The following PRKCE variants were observed in gnomAD, a reference collection of about 807,000 sequenced individuals.
PRKCE encodes the protein protein kinase C epsilon, also known as protein kinase C epsilon type.
A neutral mutation model predicts 85.4 loss-of-function variants in PRKCE; 16 were observed. That is an observed-to-expected ratio of 0.19 (90% CI 0.13 to 0.28). The LOEUF is 0.28. Among genes scored for constraint, PRKCE ranks in the 10% least tolerant of loss-of-function variants. The probability of loss-of-function intolerance (pLI) is 1.00; values close to 1 mark genes in which losing one functional copy is unlikely to be tolerated. For missense variants in PRKCE, 573 were observed against 975.2 expected, an observed-to-expected ratio of 0.59 and a Z score of 5.49; for synonymous variants, 388 against 371.5, an observed-to-expected ratio of 1.04 and a Z score of -0.51.
chr2:46,044,961 T>G (rs905829838), intron 10 of PRKCE, among the ~76,000 whole-genome samples: 4 of 152,250 alleles, frequency 2.6e-5, no homozygotes, highest in Non-Finnish European at 4.4e-5. Flanking sequence ...TCGTTATGTA[T>G]AGTATATGTT....
chr2:45,806,975 G>A (rs1688292633), intron 1 of PRKCE, among the ~76,000 whole-genome samples: 1 of 152,184 alleles, frequency 6.6e-6, no homozygotes, highest in Non-Finnish European at 1.5e-5. Flanking sequence ...TAGACCTCAG[G>A]AGGCTGATGA....
intron 1 of PRKCE, among the ~76,000 whole-genome samples, chr2:45,726,522 C>T (rs1033011047): frequency 6.6e-6 from 1 of 152,132 alleles, no homozygotes; most frequent in Non-Finnish European, 1.5e-5. Context: ...CAATAAAGCA[C>T]TTTTCAATTA....
intron 1 of PRKCE, among the ~76,000 whole-genome samples, chr2:45,796,200 G>A (rs545915171): frequency 4.6e-5 from 7 of 152,122 alleles, no homozygotes; most frequent in Non-Finnish European, 1.0e-4. Context: ...CTTATTCTAG[G>A]CTGACAAAAT....
rs74808449 is a variant in PRKCE at position 45,938,540 on chromosome 2, A to G, written c.413-37889A>G. On this transcript the variant is annotated intron_variant, in intron 2 of 14. Transcript: ENST00000306156. ...TGTCCCTTTCAACATTTCAGCGCCC[A>G]CCCCTCAAACCCCCATCAAGCCTTG... 3.3e-3 allele frequency among the ~76,000 whole-genome samples: 506 copies of G among 151,852 alleles called. 4 individuals are homozygous for G. Among genetic ancestry groups the G allele is most frequent in the African/African-American group, 0.011 (473 of 41,370 alleles).
chr2:46,175,533 C>G (rs527366361), intron 14 of PRKCE, among the ~76,000 whole-genome samples: 11 of 152,266 alleles, frequency 7.2e-5, no homozygotes, highest in African/African-American at 2.6e-4. Context: ...TACTAATGTC[C>G]CCATTTTATG....
intron 2 of PRKCE, among the ~76,000 whole-genome samples, chr2:45,843,352 C>G (rs969231584): frequency 6.6e-6 from 1 of 152,192 alleles, no homozygotes; most frequent in Non-Finnish European, 1.5e-5. Flanking sequence ...AGGGCAGCCT[C>G]TCCCAGGAGG....
chr2:45,960,218 G>C (rs1463414771), intron 2 of PRKCE, among the ~76,000 whole-genome samples: 1 of 152,070 alleles, frequency 6.6e-6, no homozygotes, highest in Non-Finnish European at 1.5e-5. Context: ...TCTGGCCTTG[G>C]GACCAAATCG....
intron 14 of PRKCE, among the ~76,000 whole-genome samples, chr2:46,178,046 G>A (rs941755191): frequency 1.3e-5 from 2 of 152,158 alleles, no homozygotes; most frequent in African/African-American, 4.8e-5. Flanking sequence ...GGTCACCAGA[G>A]GTCAGGAGTT....
At chr2:46,162,629 G>A (rs1193096343) in intron 14 of PRKCE, among the ~76,000 whole-genome samples, 3 of 152,190 alleles carry the variant, frequency 2.0e-5, no homozygotes, top group Non-Finnish European at 4.4e-5. Flanking sequence ...GAAAAAGGAA[G>A]GCTAAAACGG....
intron 10 of PRKCE, among the ~76,000 whole-genome samples, chr2:46,085,400 G>C (rs916851122): frequency 6.6e-6 from 1 of 152,130 alleles, no homozygotes; most frequent in Non-Finnish European, 1.5e-5. Context: ...TGCAAACTTG[G>C]TGCCTTAAAA....
chr2:45,702,728 A>G (rs910629070), intron 1 of PRKCE, among the ~76,000 whole-genome samples: 36 of 152,264 alleles, frequency 2.4e-4, no homozygotes, highest in African/African-American at 8.4e-4. Context: ...ACCCCAGCAT[A>G]TAAAGTGAAT....
intron 11 of PRKCE, among the ~76,000 whole-genome samples, chr2:46,104,481 C>A (rs1228534833): frequency 1.3e-5 from 2 of 151,832 alleles, no homozygotes; most frequent in Non-Finnish European, 2.9e-5. Context: ...GTGATGTAAC[C>A]CTTCCAGACT....
intron 1 of PRKCE, among the ~76,000 whole-genome samples, chr2:45,742,949 A>G (rs1394226097): frequency 6.6e-6 from 1 of 152,238 alleles, no homozygotes; most frequent in South Asian, 2.1e-4. Flanking sequence ...TTAAAGCAGA[A>G]GCAAATCCTG....
chr2:45,843,057 G>A lies in PRKCE; in HGVS notation c.406G>A (p.Gly136Ser). 6.8e-6 allele frequency: 11 copies of A among 1,614,076 alleles called. No homozygotes were observed. Among genetic ancestry groups the A allele is most frequent in the Non-Finnish European group, 9.3e-6 (11 of 1,179,932 alleles). ...YVIIDLSGSS[G>S]EAPKDNEERV... The stretch of plus-strand genomic sequence containing the variant: ...GATCATCGATCTCTCAGGGTCGTCG[G>A]GTGAAGGTAGGAGAGCGTGACTTCT... Residue 136 changes from glycine to serine, a missense_variant, in exon 2 of 15, where the codon GGT (glycine) becomes AGT (serine). Coordinates refer to ENST00000306156, the MANE Select transcript of PRKCE (RefSeq NM_005400.3).
chr2:46,041,205 A>G lies in PRKCE; in HGVS notation c.1437+30688A>G, dbSNP rs1365208580. Among the ~76,000 whole-genome samples, 1 of 152,254 alleles carries G rather than the reference A, an allele frequency of 6.6e-6. No homozygotes were observed. The highest frequency in any genetic ancestry group is 1.5e-5 in the Non-Finnish European group (1 of 68,048). Reference sequence around the variant, plus strand: ...TTGTTAAGCCATAGGTTTTAAACTAACAAATGATTACCCTTGATCTTAAGA... The same window carrying G: ...TTGTTAAGCCATAGGTTTTAAACTAGCAAATGATTACCCTTGATCTTAAGA... On this transcript the variant is annotated intron_variant, in intron 10 of 14. Transcript: ENST00000306156. This position sits in a 1 kb window ranked among gnomAD's most constrained non-coding sequence, Gnocchi z 5.5.
chr2:45,999,595 C>A (rs922981685), intron 6 of PRKCE, among the ~76,000 whole-genome samples: 1 of 151,670 alleles, frequency 6.6e-6, no homozygotes, highest in South Asian at 2.1e-4. Flanking sequence ...TGGCATTTAT[C>A]CTGTGTGGTG....
chr2:45,748,610 GC>G (rs1683319740), intron 1 of PRKCE, among the ~76,000 whole-genome samples: 1 of 152,118 alleles, frequency 6.6e-6, no homozygotes, highest in Admixed American at 6.5e-5. Context: ...AGATACTCTG[GC>G]TTTTTGGATC....
rs1044965002 is a variant in PRKCE, at chr2:46,094,596, G to C, written c.1592+8234G>C. On this transcript the variant is annotated intron_variant, in intron 11 of 14. Transcript: ENST00000306156. ...GAACGATGAGAACACATGGACACAT[G>C]GTGGGGAACTACACACACTGGGGTC... Among the ~76,000 whole-genome samples, 27 of 151,548 alleles carry C rather than the reference G, an allele frequency of 1.8e-4. 1 individual carries two copies. The highest frequency in any genetic ancestry group is 2.7e-4 in the Non-Finnish European group (18 of 67,906).
At chr2:45,744,435 TTC>T (rs1439264814) in intron 1 of PRKCE, among the ~76,000 whole-genome samples, 1 of 44,312 alleles carries the variant, frequency 2.3e-5, no homozygotes, top group Non-Finnish European at 4.2e-5. Context: ...CTTTCTTTCT[TTC>T]TTTCTTTCTT....
Sources: allele counts gnomAD v4.1 joint callset (sites outside exome capture counted in the v4.1 genomes callset), GRCh38; gene constraint gnomAD v4.1.1; non-coding constraint Gnocchi (gnomAD v3.1); transcripts MANE v1.5; gene names NCBI Gene and HGNC (gene_info 2026-07-23, HGNC 2026-07-21).